The following SLC22A4 variants were observed in gnomAD, a reference collection of about 807,000 sequenced individuals.
SLC22A4 encodes ET transporter.
Under a neutral mutation model 56.6 loss-of-function variants are expected in SLC22A4, and 39 were observed. The observed-to-expected ratio is 0.69, with a 90% CI of 0.53 to 0.90. SLC22A4 has a LOEUF of 0.90. Ranked by LOEUF, SLC22A4 falls within the 40% of genes least tolerant of loss-of-function variation. SLC22A4 has a pLI of 0.00. For missense variants in SLC22A4, 594 were observed against 696.5 expected (o/e 0.85, Z 1.66); for synonymous variants, 241 against 281.4 (o/e 0.86, Z 1.44).
chr5:132,335,707 TTTATG>T (rs1244689908), intron 7 of SLC22A4, 106 bp from the exon 8 acceptor site: 11 of 902,406 alleles, frequency 1.2e-5, no homozygotes, highest in Non-Finnish European at 2.0e-5. Flanking sequence ...TGGGAATATA[TTTATG>T]TTAATAAAAG....
At chr5:132,331,686 T>C (rs1750863041) in intron 5 of SLC22A4, 70 bp from the exon 6 acceptor site, 5 of 1,090,036 alleles carry the variant, frequency 4.6e-6, no homozygotes, top group African/African-American at 1.5e-5. Flanking sequence ...GTTTTCCCCA[T>C]GCATCATAGC....
In SLC22A4 at chr5:132,331,755, G is replaced by A. The variant is rs867760023; in HGVS notation, c.952-1G>A. The A allele has an allele frequency of 1.2e-6, 2 of 1,609,560 alleles. No individual in the cohort carries two copies. The highest frequency in any genetic ancestry group is 1.7e-6 in the Non-Finnish European group (2 of 1,175,874). ...GGTTATTTGCATTATTTTGGTTACA[G>A]GAGCTAAATCCCCTGAAGCAGCAGA... On this transcript the variant is annotated splice_acceptor_variant, in intron 5 of 9. Transcript: ENST00000200652. LOFTEE classifies it high-confidence loss of function.
At chr5:132,315,173 C>T (rs441561) in intron 3 of SLC22A4, among the ~76,000 whole-genome samples, 1 of 152,150 alleles carries the variant, frequency 6.6e-6, no homozygotes, top group African/African-American at 2.4e-5. Context: ...ATCCATCTTC[C>T]ATGTGACGAT....
At position 132,330,430 on chromosome 5, in the gene SLC22A4, A is replaced by G. The variant is rs189595424; in HGVS notation, c.952-1326A>G. On this transcript the variant is annotated intron_variant, in intron 5 of 9. Coordinates refer to ENST00000200652, the MANE Select transcript of SLC22A4 (RefSeq NM_003059.3). ...ATAGCAAGTTAATATCAGCAAATTA[A>G]AAGCAAAAGAATAGGCCGGGCGCAG... Among the ~76,000 whole-genome samples, 510 of 152,334 alleles carry G rather than the reference A, an allele frequency of 3.3e-3. 4 individuals are homozygous for G. Among genetic ancestry groups the G allele is most frequent in the African/African-American group, 0.012 (485 of 41,564 alleles).
At chr5:132,332,931 A>G (rs1319298742) in intron 6 of SLC22A4, among the ~76,000 whole-genome samples, 1 of 152,180 alleles carries the variant, frequency 6.6e-6, no homozygotes, top group African/African-American at 2.4e-5. Flanking sequence ...ATTTCAGCCT[A>G]TATCCCTGAT....
chr5:132,320,207 C>T (rs1412734099), intron 3 of SLC22A4, among the ~76,000 whole-genome samples: 1 of 152,146 alleles, frequency 6.6e-6, no homozygotes, highest in African/African-American at 2.4e-5. Flanking sequence ...GGAGATTATC[C>T]AGGAACCCAG....
intron 6 of SLC22A4, among the ~76,000 whole-genome samples, chr5:132,333,716 GAAGA>G (rs56800160): frequency 0.6 from 90,305 of 151,472 alleles, 27,461 homozygotes; most frequent in African/African-American, 0.65. Flanking sequence ...AAAGAGAAAA[GAAGA>G]GAGAGAGAAA....
At chr5:132,337,878 G>GGC (rs943547085) in intron 8 of SLC22A4, among the ~76,000 whole-genome samples, 9 of 150,920 alleles carry the variant, frequency 6.0e-5, no homozygotes, top group African/African-American at 2.2e-4. Context: ...TGGGACTACA[G>GGC]GCGCATGCCA....
At position 132,329,945 on chromosome 5, in the gene SLC22A4, G is replaced by A. The variant is rs3792889; in HGVS notation, c.952-1811G>A. Among the ~76,000 whole-genome samples the A allele has an allele frequency of 4.0e-3, 611 of 152,288 alleles. 3 individuals are homozygous for A. Among genetic ancestry groups the A allele is most frequent in the African/African-American group, 0.012 (483 of 41,560 alleles). On this transcript the variant is annotated intron_variant, in intron 5 of 9. Coordinates refer to ENST00000200652, the MANE Select transcript of SLC22A4 (RefSeq NM_003059.3). ...GCAACCTGCATTTAAGAAGGGCCCC[G>A]TGGAACCACCAAGTATTAGCACAGG... is the stretch of plus-strand genomic sequence containing the variant.
chr5:132,340,247 C>G (rs1751171403), intron 8 of SLC22A4, among the ~76,000 whole-genome samples: 1 of 151,862 alleles, frequency 6.6e-6, no homozygotes. Flanking sequence ...TTCCAATTAC[C>G]TCCACCTTAA....
intron 4 of SLC22A4, among the ~76,000 whole-genome samples, chr5:132,325,728 G>C (rs1048165798): frequency 6.6e-6 from 1 of 152,272 alleles, no homozygotes; most frequent in Non-Finnish European, 1.5e-5. Context: ...ATTGTAAATT[G>C]AGAATATTCT....
Position 132,294,497 on chromosome 5 carries a change from C to T in SLC22A4, c.-120C>T, listed in dbSNP as rs1388974630. ...CCCGGCTTCGCGCCCCAATTTCTAACAGCCTGCCTGTCCCCCGGGAACGTT... is the reference window on the plus strand; with the variant it reads ...CCCGGCTTCGCGCCCCAATTTCTAATAGCCTGCCTGTCCCCCGGGAACGTT... On this transcript the variant is annotated 5_prime_UTR_variant, in exon 1 of 10. Transcript: ENST00000200652. This position sits in a 1 kb window ranked among gnomAD's most constrained non-coding sequence, Gnocchi z 5.6. 7.0e-7 allele frequency: 1 copy of T among 1,427,906 alleles called. No individual in the cohort carries two copies. Among genetic ancestry groups the T allele is most frequent in the South Asian group, 1.2e-5 (1 of 83,580 alleles). 88.5% of individuals were successfully genotyped at this position (1,427,906 alleles called of 1,614,324 possible).
intron 3 of SLC22A4, among the ~76,000 whole-genome samples, chr5:132,315,944 A>G (rs915183126): frequency 1.5e-4 from 23 of 152,168 alleles, no homozygotes; most frequent in Non-Finnish European, 8.8e-5. Context: ...CCCAGTCAGC[A>G]CCTGGGGTTG....
intron 3 of SLC22A4, among the ~76,000 whole-genome samples, chr5:132,314,699 T>G (rs1373615925): frequency 6.6e-6 from 1 of 152,274 alleles, no homozygotes; most frequent in African/African-American, 2.4e-5. Flanking sequence ...TGACTCTGAT[T>G]GCTTTTTAAG....
Position 132,343,851 on chromosome 5 carries a change from AT to A in SLC22A4, c.*19del. The A allele has an allele frequency of 6.5e-7, 1 of 1,532,438 alleles. No homozygotes were observed. Among genetic ancestry groups the A allele is most frequent in the Non-Finnish European group, 9.0e-7 (1 of 1,108,778 alleles). The allele number at this position is 1,532,438 out of a possible 1,614,324, so 94.9% of individuals were successfully genotyped here. A position where few individuals can be genotyped will look rare whatever the true frequency, so the allele number is the denominator to read the frequency against. On this transcript the variant is annotated 3_prime_UTR_variant, in exon 10 of 10. Coordinates refer to ENST00000200652, the MANE Select transcript of SLC22A4 (RefSeq NM_003059.3). ...TGCATTCTGAAAAAATATCTACCCC[AT>A]TTGGTGAAGTGAAAAACAGAAAAAT...
At chr5:132,319,636 A>G (rs1561540987) in intron 3 of SLC22A4, among the ~76,000 whole-genome samples, 1 of 152,242 alleles carries the variant, frequency 6.6e-6, no homozygotes, top group Non-Finnish European at 1.5e-5. Flanking sequence ...CTTGTTGCCC[A>G]GTCTGGAGTG....
At chr5:132,327,925 G>A (rs927387464) in intron 5 of SLC22A4, among the ~76,000 whole-genome samples, 4 of 152,194 alleles carry the variant, frequency 2.6e-5, no homozygotes, top group African/African-American at 9.7e-5. Context: ...AGGAAAAGCT[G>A]ATATTCTGTG....
chr5:132,320,230 T>C (rs751470260), intron 3 of SLC22A4, among the ~76,000 whole-genome samples: 12 of 152,230 alleles, frequency 7.9e-5, no homozygotes, highest in African/African-American at 2.4e-5. Context: ...GTATAACTTC[T>C]CTTTTCTTAA....
chr5:132,319,970 A>C (rs1268918605), intron 3 of SLC22A4, among the ~76,000 whole-genome samples: 1 of 152,164 alleles, frequency 6.6e-6, no homozygotes, highest in Non-Finnish European at 1.5e-5. Context: ...AACCTGTCTC[A>C]AAGTACCTAC....
Sources: allele counts gnomAD v4.1 joint callset (sites outside exome capture counted in the v4.1 genomes callset), GRCh38; gene constraint gnomAD v4.1.1; non-coding constraint Gnocchi (gnomAD v3.1); transcripts MANE v1.5; gene names NCBI Gene and HGNC (gene_info 2026-07-23, HGNC 2026-07-21).